UGT1A7: variants seen among roughly 807,000 people sequenced by gnomAD.
UGT1A7 encodes the protein UDP glucuronosyltransferase family 1 member A7.
A neutral mutation model predicts 45.6 loss-of-function variants in UGT1A7; 33 were observed. The ratio of observed to expected loss-of-function variants is 0.72; its 90% CI spans 0.55 to 0.97. The LOEUF (loss-of-function observed/expected upper bound fraction) is 0.97. Among genes scored for constraint, UGT1A7 ranks in the 50% least tolerant of loss-of-function variants. The pLI, the probability that UGT1A7 is intolerant of heterozygous loss-of-function variation, is 0.00. For synonymous variants in UGT1A7, 274 were observed against 250.6 expected (o/e 1.09, Z -0.88); for missense variants, 684 against 666.2 (o/e 1.03, Z -0.29).
At chr2:233,762,868 G>A (rs998975258) in intron 1 of UGT1A7, among the ~76,000 whole-genome samples, 2 of 151,940 alleles carry the variant, frequency 1.3e-5, no homozygotes, top group Non-Finnish European at 2.9e-5. Context: ...AGAAATTTTG[G>A]TTTCTTCTCT....
intron 1 of UGT1A7, among the ~76,000 whole-genome samples, chr2:233,735,310 TA>T (rs978223857): frequency 8.5e-5 from 13 of 152,318 alleles, no homozygotes; most frequent in African/African-American, 2.2e-4. Flanking sequence ...AAGTCTGTTT[TA>T]TCAGAGACTA....
At chr2:233,708,090 C>T (rs192949963) in intron 1 of UGT1A7, among the ~76,000 whole-genome samples, 95 of 152,258 alleles carry the variant, frequency 6.2e-4, no homozygotes, top group Middle Eastern at 3.4e-3. Flanking sequence ...TTTATTCAAA[C>T]GAATTAGAAT....
chr2:233,746,806 G>C (rs1247555019), intron 1 of UGT1A7, among the ~76,000 whole-genome samples: 1 of 151,794 alleles, frequency 6.6e-6, no homozygotes, highest in African/African-American at 2.4e-5. Flanking sequence ...GCGTGAATGT[G>C]GATTGCCTAC....
chr2:233,711,508 C>A (rs1359627047), intron 1 of UGT1A7, among the ~76,000 whole-genome samples: 1 of 152,188 alleles, frequency 6.6e-6, no homozygotes. Flanking sequence ...CCCTTTCTAG[C>A]GCTCTGTGTC....
chr2:233,736,730 T>C (rs1173879168), intron 1 of UGT1A7, among the ~76,000 whole-genome samples: 2 of 152,186 alleles, frequency 1.3e-5, no homozygotes, highest in African/African-American at 2.4e-5. Flanking sequence ...TTGATGTTTA[T>C]GCTGTTCCTT....
intron 3 of UGT1A7, 135 bp downstream of exon 3, chr2:233,768,071 G>C: frequency 6.3e-7 from 1 of 1,595,002 alleles, no homozygotes; most frequent in Admixed American, 1.8e-5. Context: ...TTTATCTAGT[G>C]GGGTATCTCA....
intron 1 of UGT1A7, among the ~76,000 whole-genome samples, chr2:233,746,336 A>G (rs1235397882): frequency 1.3e-5 from 2 of 151,736 alleles, no homozygotes; most frequent in Non-Finnish European, 2.9e-5. Context: ...AGGGCAATGG[A>G]CATGTTTATG....
chr2:233,682,341 A>T lies in UGT1A7; in HGVS notation c.404A>T (p.Glu135Val). The change falls in exon 1 of 5, where the codon GAA (glutamate) becomes GTA (valine). Residue 135 changes from glutamate to valine, a missense_variant. Transcript: ENST00000373426. ...RSLFNDRKLV[E>V]YLKESCFDAV... The stretch of plus-strand genomic sequence containing the variant: ...TTGTTTAATGACCGAAAATTAGTAG[A>T]ATACTTAAAGGAGAGTTGTTTTGAT... 6.2e-7 allele frequency: 1 copy of T among 1,614,096 alleles called. No homozygotes were observed. The highest frequency in any genetic ancestry group is 8.5e-7 in the Non-Finnish European group (1 of 1,180,012).
intron 1 of UGT1A7, chr2:233,713,759 G>T: frequency 6.2e-7 from 1 of 1,613,990 alleles, no homozygotes; most frequent in South Asian, 1.1e-5. Flanking sequence ...CTGTGTGGCT[G>T]TTCCGAGGGG....
intron 4 of UGT1A7, among the ~76,000 whole-genome samples, 182 bp downstream of exon 4, chr2:233,768,621 C>T (rs186985441): frequency 1.7e-5 from 2 of 116,022 alleles, no homozygotes; most frequent in East Asian, 2.7e-4. Flanking sequence ...GAGTCTTGCT[C>T]TGTCACCTAG....
At chr2:233,750,502 A>T (rs1694477607) in intron 1 of UGT1A7, 1 of 152,122 alleles carries the variant, frequency 6.6e-6, no homozygotes, top group East Asian at 1.9e-4. Context: ...GAGGAGCCAA[A>T]TGTTAATTGC....
chr2:233,739,738 C>G (rs1691193557), intron 1 of UGT1A7, among the ~76,000 whole-genome samples: 1 of 152,084 alleles, frequency 6.6e-6, no homozygotes, highest in Non-Finnish European at 1.5e-5. Flanking sequence ...TCAGATGAGA[C>G]CTTGGACTAT....
At chr2:233,719,756 C>A in intron 1 of UGT1A7, 2 of 1,612,434 alleles carry the variant, frequency 1.2e-6, no homozygotes, top group Non-Finnish European at 1.7e-6. Context: ...TATTTACTTA[C>A]AAGTGCTTCC....
intron 1 of UGT1A7, among the ~76,000 whole-genome samples, chr2:233,757,801 A>G (rs2125960079): frequency 6.6e-6 from 1 of 151,714 alleles, no homozygotes; most frequent in Non-Finnish European, 1.5e-5. Flanking sequence ...ATGAAAGGAG[A>G]TGAAAGGAGC....
chr2:233,757,535 A>AATATATATACATATACATATATAT lies in UGT1A7; in HGVS notation c.856-9490_856-9489insCATATACATATATATATATATATA, dbSNP rs376887521. Among the ~76,000 whole-genome samples, 332 of 87,516 alleles carry AATATATATACATATACATATATAT rather than the reference A, an allele frequency of 3.8e-3. 5 individuals are homozygous for AATATATATACATATACATATATAT. Among genetic ancestry groups the AATATATATACATATACATATATAT allele is most frequent in the Middle Eastern group, 0.012 (2 of 168 alleles). The allele number at this position is 87,516 out of a possible 152,430, so 57.4% of individuals were successfully genotyped here. A position where few individuals can be genotyped will look rare whatever the true frequency, so the allele number is the denominator to read the frequency against. Reference sequence around the variant, plus strand: ...CAAAGCCAAAATCTTGCCTGTAAGGAATATATATATATATATATATATATA... The same window carrying AATATATATACATATACATATATAT: ...CAAAGCCAAAATCTTGCCTGTAAGGAATATATATACATATACATATATATATATATATATATATATATATATATA... On this transcript the variant is annotated intron_variant, in intron 1 of 4. Transcript: ENST00000373426.
intron 1 of UGT1A7, among the ~76,000 whole-genome samples, chr2:233,687,636 C>CTAA (rs2125537865): frequency 6.7e-6 from 1 of 150,176 alleles, no homozygotes; most frequent in African/African-American, 2.4e-5. Flanking sequence ...AGTGTGGTGG[C>CTAA]TCACACATGT....
intron 1 of UGT1A7, among the ~76,000 whole-genome samples, chr2:233,736,630 T>C (rs2078786520): frequency 1.3e-5 from 2 of 152,252 alleles, no homozygotes; most frequent in African/African-American, 4.8e-5. Flanking sequence ...TTTTCTGCTC[T>C]AGTTTCCCCC....
chr2:233,742,128 C>T (rs1691880797), intron 1 of UGT1A7, among the ~76,000 whole-genome samples: 1 of 151,756 alleles, frequency 6.6e-6, no homozygotes, highest in Admixed American at 6.5e-5. Flanking sequence ...TCGTGGAGAC[C>T]CTAACCCAGC....
chr2:233,716,548 A>C (rs17864696), intron 1 of UGT1A7, among the ~76,000 whole-genome samples: 15,434 of 152,118 alleles, frequency 0.1, 897 homozygotes, highest in East Asian at 0.2. Context: ...CTCTCCTTAT[A>C]TTCCTTTTTT....
Sources: gnomAD v4.1 joint callset for allele counts (sites outside exome capture counted in the v4.1 genomes callset) on GRCh38, gnomAD v4.1.1 for gene constraint, MANE v1.5 for transcripts, NCBI Gene and HGNC (gene_info 2026-07-23, HGNC 2026-07-21) for gene names.